The following CLIC2 variants were observed in gnomAD, a reference collection of about 807,000 sequenced individuals.
CLIC2 encodes CLIC family member 2.
In CLIC2, 9 loss-of-function variants were observed where a neutral mutation model predicts 14.8. The ratio of observed to expected loss-of-function variants is 0.61; its 90% CI spans 0.37 to 1.06. The LOEUF is 1.06. CLIC2 is among the 50% of genes least tolerant of loss of function. CLIC2 has a pLI of 0.01. For synonymous variants in CLIC2, 61 were observed against 66.3 expected (o/e 0.92, Z 0.39); for missense variants, 148 against 181.4 (o/e 0.82, Z 1.06).
rs782445936 is a variant in CLIC2 at position 155,326,433 on chromosome X, T to C, written c.57+7938A>G. ...GCTTTCAAAATAGTTAAGATAATAA[T>C]AGTGACAACACAAAATGCTGGTAAG... On this transcript the variant is annotated intron_variant, in intron 1 of 5. Transcript: ENST00000369449. Among the ~76,000 whole-genome samples, 14 of 111,410 alleles carry C rather than the reference T, an allele frequency of 1.3e-4. No individual in the cohort carries two copies. The South Asian group carries it at 4.8e-3, about 38-fold the overall frequency.
At chrX:155,301,973 C>T (rs1211139638) in intron 1 of CLIC2, among the ~76,000 whole-genome samples, 113 of 84,608 alleles carry the variant, frequency 1.3e-3, no homozygotes, top group South Asian at 3.1e-3. Context: ...CTGCTGGATT[C>T]GTTTTGCCAG....
intron 3 of CLIC2, chrX:155,292,390 T>C: frequency 1.8e-6 from 1 of 562,320 alleles, no homozygotes; most frequent in Non-Finnish European, 3.3e-6. Context: ...TATTCTGTTA[T>C]TCTACAAGAA....
chrX:155,316,504 T>A (rs1433373293), intron 1 of CLIC2, among the ~76,000 whole-genome samples: 1 of 111,234 alleles, frequency 9.0e-6, no homozygotes, highest in Non-Finnish European at 1.9e-5. Flanking sequence ...AATAACCTCC[T>A]GAATGATTGT....
chrX:155,332,694 A>C (rs782577752), intron 1 of CLIC2, among the ~76,000 whole-genome samples: 54 of 112,080 alleles, frequency 4.8e-4, no homozygotes, highest in Non-Finnish European at 9.2e-4. Context: ...GTACTCAATA[A>C]ATTATTGGTT....
At chrX:155,294,293 A>G (rs782544685) in intron 3 of CLIC2, among the ~76,000 whole-genome samples, 6 of 111,786 alleles carry the variant, frequency 5.4e-5, no homozygotes, top group African/African-American at 1.9e-4. Flanking sequence ...ATTAACCAAC[A>G]TGCTCCTGAA....
intron 1 of CLIC2, among the ~76,000 whole-genome samples, chrX:155,322,067 C>T (rs1263830332): frequency 1.8e-5 from 2 of 111,297 alleles, no homozygotes; most frequent in Non-Finnish European, 3.8e-5. Flanking sequence ...AAAGCAAGTT[C>T]TTAGAGACCT....
chrX:155,310,311 G>A, intron 1 of CLIC2: 1 of 181,802 alleles, frequency 5.5e-6, no homozygotes, highest in Non-Finnish European at 1.1e-5. Context: ...TATAGTGACT[G>A]TATATAGTGC....
chrX:155,328,891 T>C (rs781907871), intron 1 of CLIC2, among the ~76,000 whole-genome samples: 1 of 110,929 alleles, frequency 9.0e-6, no homozygotes, highest in South Asian at 3.8e-4. Context: ...CTGGGAAAAC[T>C]GGATATCCAT....
intron 3 of CLIC2, among the ~76,000 whole-genome samples, chrX:155,281,130 C>T (rs2074917631): frequency 1.8e-5 from 2 of 108,308 alleles, no homozygotes; most frequent in South Asian, 8.2e-4. Flanking sequence ...AAGACAAATA[C>T]TCCATGATCT....
At chrX:155,307,453 A>C (rs1211162684) in intron 1 of CLIC2, among the ~76,000 whole-genome samples, 1 of 112,000 alleles carries the variant, frequency 8.9e-6, no homozygotes, top group African/African-American at 3.2e-5. Flanking sequence ...AGAAAAATTC[A>C]ATAAGCTGGG....
intron 1 of CLIC2, among the ~76,000 whole-genome samples, chrX:155,326,182 C>A (rs1014007038): frequency 8.2e-5 from 9 of 110,250 alleles, no homozygotes; most frequent in Non-Finnish European, 1.5e-4. Flanking sequence ...ATAAATAATT[C>A]TTTTTAAAAA....
chrX:155,333,974 T>A (rs1411497682), intron 1 of CLIC2, among the ~76,000 whole-genome samples: 1 of 110,679 alleles, frequency 9.0e-6, no homozygotes, highest in Non-Finnish European at 1.9e-5. Flanking sequence ...CCAAAACCTA[T>A]CTCATAAAAC....
At chrX:155,285,791 T>C (rs2074939833) in intron 3 of CLIC2, among the ~76,000 whole-genome samples, 1 of 110,534 alleles carries the variant, frequency 9.0e-6, no homozygotes, top group Non-Finnish European at 1.9e-5. Flanking sequence ...ATTCTGAGTT[T>C]CTTATGTGAG....
At chrX:155,286,424 A>G (rs782272492) in intron 3 of CLIC2, among the ~76,000 whole-genome samples, 5 of 112,047 alleles carry the variant, frequency 4.5e-5, no homozygotes, top group Non-Finnish European at 9.4e-5. Flanking sequence ...TATTGTGAAT[A>G]GTGCTGCAAT....
chrX:155,290,752 T>C lies in CLIC2; in HGVS notation c.293+8033A>G, dbSNP rs1386191230. On this transcript the variant is annotated intron_variant, in intron 3 of 5. Transcript: ENST00000369449. ...TTTGTTGTGTTGGCCAAAATTATAA[T>C]TTCATTTTTTATGTTTATTTCCAAC... 1.7e-5 allele frequency: 11 copies of C among 659,348 alleles called. No individual in the cohort carries two copies. The Admixed American group carries it at 2.5e-4, about 15-fold the overall frequency. The allele number at this position is 659,348 out of a possible 1,213,427, so 54.3% of individuals were successfully genotyped here. A position where few individuals can be genotyped will look rare whatever the true frequency, so the allele number is the denominator to read the frequency against.
At chrX:155,325,507 A>G (rs1400194977) in intron 1 of CLIC2, among the ~76,000 whole-genome samples, 2 of 109,291 alleles carry the variant, frequency 1.8e-5, no homozygotes, top group East Asian at 5.7e-4. Flanking sequence ...CTAACACAGG[A>G]ACAGAAAAGC....
chrX:155,309,822 G>C (rs1262423077), intron 1 of CLIC2, among the ~76,000 whole-genome samples: 2 of 111,598 alleles, frequency 1.8e-5, no homozygotes, highest in Non-Finnish European at 3.8e-5. Flanking sequence ...AAATTTGGGT[G>C]GGGGCACAGC....
At chrX:155,294,897 T>C (rs1308070402) in intron 3 of CLIC2, among the ~76,000 whole-genome samples, 1 of 111,329 alleles carries the variant, frequency 9.0e-6, no homozygotes, top group African/African-American at 3.3e-5. Flanking sequence ...AGTCTCCCAA[T>C]GAAGAAAAGC....
At chrX:155,310,524 G>T in intron 1 of CLIC2, 1 of 195,502 alleles carries the variant, frequency 5.1e-6, no homozygotes, top group South Asian at 8.6e-5. Flanking sequence ...GCAGGGTACA[G>T]CCTCTCTCCT....
Sources: gnomAD v4.1 joint callset for allele counts (sites outside exome capture counted in the v4.1 genomes callset) on GRCh38, gnomAD v4.1.1 for gene constraint, MANE v1.5 for transcripts, NCBI Gene and HGNC (gene_info 2026-07-23, HGNC 2026-07-21) for gene names.